CLIC6: variants seen among roughly 807,000 people sequenced by gnomAD.
CLIC6 encodes the protein CLIC family member 6.
Under a neutral mutation model 49.2 loss-of-function variants are expected in CLIC6, and 39 were observed. The observed-to-expected ratio is 0.79, with a 90% CI of 0.61 to 1.04. The LOEUF (loss-of-function observed/expected upper bound fraction) is 1.04. CLIC6 is among the 50% of genes least tolerant of loss of function. The pLI, the probability that CLIC6 is intolerant of heterozygous loss-of-function variation, is 0.00. For missense variants in CLIC6, 988 were observed against 993.1 expected, an observed-to-expected ratio of 0.99 and a Z score of 0.07; for synonymous variants, 446 against 433.4, an observed-to-expected ratio of 1.03 and a Z score of -0.36.
chr21:34,674,406 G>A (rs1284784426), intron 1 of CLIC6, among the ~76,000 whole-genome samples: 1 of 152,124 alleles, frequency 6.6e-6, no homozygotes, highest in Non-Finnish European at 1.5e-5. Flanking sequence ...TTCCTATTTT[G>A]TTAAAAATAA....
rs1162545351 is a variant in CLIC6 at position 34,670,687 on chromosome 21, C to T, written c.1299C>T (p.Asn433=). Residue 433 remains asparagine (N), a synonymous_variant, in exon 1 of 6, where the codon AAC becomes AAT. Coordinates refer to ENST00000349499, the MANE Select transcript of CLIC6 (RefSeq NM_053277.3). The part of the protein sequence containing the change: ...AEGSGEAARV[N]GRREDGEASE... ...GTAGCGGCGAGGCCGCGCGCGTGAACGGCCGCCGGGAGGACGGAGAGGCGT... is the reference window on the plus strand; with the variant it reads ...GTAGCGGCGAGGCCGCGCGCGTGAATGGCCGCCGGGAGGACGGAGAGGCGT... 3 of 1,579,990 alleles carry T rather than the reference C, an allele frequency of 1.9e-6. No individual in the cohort carries two copies. The highest frequency in any genetic ancestry group is 8.6e-7 in the Non-Finnish European group (1 of 1,166,922).
chr21:34,706,395 C>T (rs183883189), intron 1 of CLIC6, among the ~76,000 whole-genome samples: 3 of 152,194 alleles, frequency 2.0e-5, no homozygotes, highest in African/African-American at 7.2e-5. Flanking sequence ...TCCCGTCAGG[C>T]CCTGCCTCCA....
intron 1 of CLIC6, among the ~76,000 whole-genome samples, chr21:34,679,330 G>C (rs1989732773): frequency 6.6e-6 from 1 of 152,196 alleles, no homozygotes; most frequent in South Asian, 2.1e-4. Flanking sequence ...CACGAGAACA[G>C]CATGGGGGAA....
At chr21:34,714,486 G>A (rs946405289) in intron 5 of CLIC6, among the ~76,000 whole-genome samples, 6 of 152,150 alleles carry the variant, frequency 3.9e-5, no homozygotes, top group Non-Finnish European at 8.8e-5. Flanking sequence ...CCAGGAGTTC[G>A]AGATCAGCCT....
chr21:34,688,259 G>A (rs1331247300), intron 1 of CLIC6, among the ~76,000 whole-genome samples: 1 of 152,158 alleles, frequency 6.6e-6, no homozygotes. Flanking sequence ...CATCAGTGTG[G>A]CCGCCCCCCA....
At chr21:34,687,553 T>C (rs529858647) in intron 1 of CLIC6, among the ~76,000 whole-genome samples, 1 of 152,358 alleles carries the variant, frequency 6.6e-6, no homozygotes, top group African/African-American at 2.4e-5. Flanking sequence ...GGACTTCTTA[T>C]GCCTTGATTC....
intron 1 of CLIC6, among the ~76,000 whole-genome samples, chr21:34,682,191 G>A (rs1280474432): frequency 6.6e-6 from 1 of 152,158 alleles, no homozygotes; most frequent in Non-Finnish European, 1.5e-5. Context: ...ATTGCTACGG[G>A]AAAGGGTGTG....
intron 1 of CLIC6, among the ~76,000 whole-genome samples, chr21:34,697,257 A>C (rs1407744501): frequency 6.6e-6 from 1 of 152,142 alleles, no homozygotes; most frequent in African/African-American, 2.4e-5. Flanking sequence ...TGAGCTGAGC[A>C]GCAGACTTTT....
At chr21:34,699,279 T>A (rs1990144092) in intron 1 of CLIC6, among the ~76,000 whole-genome samples, 1 of 152,140 alleles carries the variant, frequency 6.6e-6, no homozygotes, top group Admixed American at 6.6e-5. Flanking sequence ...TGAGACAGGA[T>A]CTCCCTCTGA....
At chr21:34,699,462 C>T (rs1990148102) in intron 1 of CLIC6, among the ~76,000 whole-genome samples, 1 of 148,894 alleles carries the variant, frequency 6.7e-6, no homozygotes, top group African/African-American at 2.5e-5. Context: ...CAGGCTTTCA[C>T]CATGTTGCCC....
intron 1 of CLIC6, among the ~76,000 whole-genome samples, chr21:34,702,231 A>G (rs1990203691): frequency 6.6e-6 from 1 of 152,038 alleles, no homozygotes; most frequent in Admixed American, 6.5e-5. Context: ...CAGCTCCCCC[A>G]CCTTTTCCTC....
At chr21:34,685,952 G>A (rs58470360) in intron 1 of CLIC6, among the ~76,000 whole-genome samples, 2,592 of 152,176 alleles carry the variant, frequency 0.017, 73 homozygotes, top group African/African-American at 0.058. Flanking sequence ...TTATTGGACC[G>A]CTAAGCTTGT....
chr21:34,716,800 G>A lies in CLIC6; in HGVS notation c.*318G>A. On this transcript the variant is annotated 3_prime_UTR_variant, in exon 6 of 6. Transcript: ENST00000349499. ...TCCACTTAATTACCGAAAACTTACTGGAGAACATGTTCCAAATCTTCAGTA... is the reference window on the plus strand; with the variant it reads ...TCCACTTAATTACCGAAAACTTACTAGAGAACATGTTCCAAATCTTCAGTA... The A allele has an allele frequency of 6.0e-6, 1 of 167,460 alleles. No homozygotes were observed. Among genetic ancestry groups the A allele is most frequent in the Non-Finnish European group, 1.2e-5 (1 of 81,932 alleles). 10.4% of individuals were successfully genotyped at this position (167,460 alleles called of 1,614,324 possible). A position where few individuals can be genotyped will look rare whatever the true frequency, so the allele number is the denominator to read the frequency against.
intron 1 of CLIC6, among the ~76,000 whole-genome samples, chr21:34,699,614 A>G (rs1259751345): frequency 6.6e-6 from 1 of 151,932 alleles, no homozygotes; most frequent in Non-Finnish European, 1.5e-5. Context: ...TTTGGAGGAT[A>G]TTCTCCTTAA....
At chr21:34,694,500 C>A (rs939062008) in intron 1 of CLIC6, among the ~76,000 whole-genome samples, 2 of 152,024 alleles carry the variant, frequency 1.3e-5, no homozygotes, top group African/African-American at 2.4e-5. Flanking sequence ...TTTGTAGTGA[C>A]AAGTTTTCAC....
chr21:34,705,296 G>A (rs186171741), intron 1 of CLIC6, among the ~76,000 whole-genome samples: 1 of 152,290 alleles, frequency 6.6e-6, no homozygotes, highest in East Asian at 1.9e-4. Context: ...GCCACTGGGA[G>A]TTTTCTCTGA....
intron 1 of CLIC6, among the ~76,000 whole-genome samples, chr21:34,682,417 A>C (rs948849015): frequency 5.9e-5 from 9 of 152,158 alleles, no homozygotes; most frequent in African/African-American, 2.2e-4. Context: ...ATACTTTTAT[A>C]TATTTAAAAA....
At chr21:34,685,995 T>C (rs956036125) in intron 1 of CLIC6, among the ~76,000 whole-genome samples, 10 of 152,238 alleles carry the variant, frequency 6.6e-5, no homozygotes, top group African/African-American at 2.4e-4. Flanking sequence ...CTCAATGTCA[T>C]CACCAAGGTC....
chr21:34,691,685 T>G (rs971105114), intron 1 of CLIC6, among the ~76,000 whole-genome samples: 2 of 152,224 alleles, frequency 1.3e-5, no homozygotes, highest in African/African-American at 4.8e-5. Context: ...ACCATTGATC[T>G]GGTGTTTGGT....
Sources: allele counts gnomAD v4.1 joint callset (sites outside exome capture counted in the v4.1 genomes callset), GRCh38; gene constraint gnomAD v4.1.1; transcripts MANE v1.5; gene names NCBI Gene and HGNC (gene_info 2026-07-23, HGNC 2026-07-21).